The following RBMS3 variants were observed in gnomAD, a reference collection of about 807,000 sequenced individuals.
The protein encoded by RBMS3 is RNA binding motif single stranded interacting protein 3.
In RBMS3, 27 loss-of-function variants were observed where a neutral mutation model predicts 66.8. The ratio of observed to expected loss-of-function variants is 0.40; its 90% confidence interval spans 0.30 to 0.56. The LOEUF (loss-of-function observed/expected upper bound fraction) is 0.56, where lower values mean the gene tolerates loss of function less well. Ranked by LOEUF, RBMS3 falls within the 20% of genes least tolerant of loss-of-function variation. The probability of loss-of-function intolerance (pLI) is 0.40; values close to 1 mark genes in which losing one functional copy is unlikely to be tolerated. For synonymous variants in RBMS3, 188 were observed against 183.0 expected (o/e 1.03, Z -0.22); for missense variants, 513 against 549.5 (o/e 0.93, Z 0.66).
At chr3:29,449,044 T>C (rs1236647671) in intron 2 of RBMS3, among the ~76,000 whole-genome samples, 3 of 152,158 alleles carry the variant, frequency 2.0e-5, no homozygotes, top group Non-Finnish European at 4.4e-5. Flanking sequence ...TCTTGGTGGA[T>C]GTAAGGAGAG....
At chr3:29,755,028 T>C (rs1018063135) in intron 5 of RBMS3, among the ~76,000 whole-genome samples, 10 of 152,194 alleles carry the variant, frequency 6.6e-5, no homozygotes, top group African/African-American at 2.2e-4. Context: ...TTTTCTTTTC[T>C]CAATAATATC....
At chr3:29,970,623 A>G (rs889292883) in intron 12 of RBMS3, among the ~76,000 whole-genome samples, 1 of 152,134 alleles carries the variant, frequency 6.6e-6, no homozygotes, top group African/African-American at 2.4e-5. Flanking sequence ...ATATTTTGAA[A>G]CCAGATGATT....
intron 4 of RBMS3, among the ~76,000 whole-genome samples, chr3:29,686,932 A>G (rs1435310906): frequency 6.6e-6 from 1 of 152,206 alleles, no homozygotes; most frequent in Non-Finnish European, 1.5e-5. Context: ...TGCTAGCCTT[A>G]GTAAACATAG....
At chr3:29,603,913 C>T (rs528824969) in intron 4 of RBMS3, among the ~76,000 whole-genome samples, 1 of 151,928 alleles carries the variant, frequency 6.6e-6, no homozygotes, top group African/African-American at 2.4e-5. Flanking sequence ...ACAATTAGGG[C>T]ACAAGTTGCT....
chr3:29,282,379 C>G (rs1195366282), intron 1 of RBMS3, among the ~76,000 whole-genome samples: 1 of 152,036 alleles, frequency 6.6e-6, no homozygotes, highest in Non-Finnish European at 1.5e-5. Context: ...TTTAGAAGAT[C>G]TATTTTTCTG....
chr3:29,703,863 CT>C (rs34626890), intron 4 of RBMS3, among the ~76,000 whole-genome samples: 17,413 of 152,178 alleles, frequency 0.11, 2,094 homozygotes, highest in African/African-American at 0.3. Context: ...GTGAATGAAG[CT>C]TTCATCTGTA....
intron 1 of RBMS3, among the ~76,000 whole-genome samples, chr3:29,285,606 G>A (rs938310114): frequency 1.3e-5 from 2 of 152,074 alleles, no homozygotes; most frequent in African/African-American, 4.8e-5. Context: ...CAGACTAGTG[G>A]ACCCAAACAG....
At chr3:29,822,495 A>T (rs1283129876) in intron 6 of RBMS3, among the ~76,000 whole-genome samples, 1 of 152,148 alleles carries the variant, frequency 6.6e-6, no homozygotes, top group East Asian at 1.9e-4. Flanking sequence ...AGTCACAGTA[A>T]TGTTTCTTCT....
chr3:29,737,779 GA>G (rs1460184374), intron 4 of RBMS3, among the ~76,000 whole-genome samples: 1 of 151,342 alleles, frequency 6.6e-6, no homozygotes, highest in Non-Finnish European at 1.5e-5. Flanking sequence ...TTTTCTCTAG[GA>G]CCATTAACAG....
intron 8 of RBMS3, among the ~76,000 whole-genome samples, chr3:29,889,429 C>T (rs1177842216): frequency 6.6e-6 from 1 of 151,664 alleles, no homozygotes; most frequent in Non-Finnish European, 1.5e-5. Flanking sequence ...AGAGTGAAAA[C>T]TTCAGAATCA....
intron 1 of RBMS3, among the ~76,000 whole-genome samples, chr3:29,353,828 CAT>C (rs1057452067): frequency 2.0e-5 from 3 of 152,076 alleles, no homozygotes; most frequent in African/African-American, 7.2e-5. Context: ...TATTTTAACA[CAT>C]ATGCAGTTTC....
intron 1 of RBMS3, among the ~76,000 whole-genome samples, chr3:29,353,863 A>C (rs76596477): frequency 0.11 from 16,560 of 152,088 alleles, 1,057 homozygotes; most frequent in East Asian, 0.22. Context: ...TTTCACTGAT[A>C]AACATATGCT....
intron 4 of RBMS3, among the ~76,000 whole-genome samples, chr3:29,733,764 C>T (rs544671473): frequency 2.0e-5 from 3 of 152,068 alleles, no homozygotes; most frequent in East Asian, 3.9e-4. Context: ...CCCATTAGCC[C>T]GTTTTTGCTT....
chr3:29,308,286 C>A (rs1273245079), intron 1 of RBMS3, among the ~76,000 whole-genome samples: 4 of 151,776 alleles, frequency 2.6e-5, no homozygotes, highest in Non-Finnish European at 4.4e-5. Context: ...TGGTTGGGGA[C>A]AATTCCATTC....
intron 5 of RBMS3, 115 bp downstream of exon 5, chr3:29,739,992 T>A (rs903227021): frequency 2.8e-6 from 2 of 713,386 alleles, no homozygotes; most frequent in South Asian, 3.3e-5. Flanking sequence ...AAAAAAAAAT[T>A]AAAAGTAGCT....
chr3:29,786,602 C>A (rs2149419247), intron 6 of RBMS3, among the ~76,000 whole-genome samples: 1 of 152,188 alleles, frequency 6.6e-6, no homozygotes, highest in East Asian at 1.9e-4. Flanking sequence ...AAAGGCCACC[C>A]TATTCACAAA....
chr3:29,520,226 G>T (rs923297122), intron 3 of RBMS3, among the ~76,000 whole-genome samples: 1 of 152,032 alleles, frequency 6.6e-6, no homozygotes, highest in Non-Finnish European at 1.5e-5. Flanking sequence ...TACAAACCAA[G>T]TTTTAAAAAC....
At chr3:29,634,158 C>T (rs890114954) in intron 4 of RBMS3, among the ~76,000 whole-genome samples, 4 of 151,900 alleles carry the variant, frequency 2.6e-5, no homozygotes, top group African/African-American at 9.7e-5. Flanking sequence ...GAGAAAGATA[C>T]ATTCATTCCT....
chr3:29,818,552 C>T (rs1328917119), intron 6 of RBMS3, among the ~76,000 whole-genome samples: 3 of 151,954 alleles, frequency 2.0e-5, no homozygotes, highest in African/African-American at 4.8e-5. Flanking sequence ...AATCTTTAAA[C>T]ACAAATGTTG....
Sources: allele counts gnomAD v4.1 joint callset (sites outside exome capture counted in the v4.1 genomes callset), GRCh38; gene constraint gnomAD v4.1.1; transcripts MANE v1.5; gene names NCBI Gene and HGNC (gene_info 2026-07-23, HGNC 2026-07-21).